The following SYMPK variants were observed in gnomAD, a reference collection of about 807,000 sequenced individuals.
SYMPK encodes symplekin.
In SYMPK, 49 loss-of-function variants were observed where a neutral mutation model predicts 136.4. The ratio of observed to expected loss-of-function variants is 0.36; its 90% CI spans 0.29 to 0.46. The LOEUF is 0.46. SYMPK is among the 20% of genes least tolerant of loss of function. SYMPK has a pLI of 1.00. For synonymous variants in SYMPK, 766 were observed against 713.0 expected (o/e 1.07, Z -1.19); for missense variants, 1,365 against 1,690.0 (o/e 0.81, Z 3.37).
chr19:45,848,138 C>T, intron 6 of SYMPK, 137 bp from the exon 7 acceptor site: 2 of 1,145,750 alleles, frequency 1.7e-6, no homozygotes, highest in Non-Finnish European at 2.4e-6. Context: ...TACTGAGTTC[C>T]AACTCTGCCC....
rs3840934 is a variant in SYMPK, at chr19:45,815,422, C to T, written c.*138G>A. On this transcript the variant is annotated 3_prime_UTR_variant, in exon 27 of 27. Transcript: ENST00000245934. ...CACCCGCGCCCCAGGCCCGCCATCCCTTTTTTTTTTTCTTTTCAGTAACTT... is the reference window on the plus strand; with the variant it reads ...CACCCGCGCCCCAGGCCCGCCATCCTTTTTTTTTTTTCTTTTCAGTAACTT... 94,863 of 647,066 alleles carry T rather than the reference C, an allele frequency of 0.15. 3,716 individuals carry two copies. Among genetic ancestry groups the T allele is most frequent in the East Asian group, 0.43 (11,538 of 27,038 alleles). The allele number at this position is 647,066 out of a possible 1,614,324, so 40.1% of individuals were successfully genotyped here.
rs559430104 is a variant in SYMPK, at chr19:45,817,417, C to CTTTT, written c.3082-447_3082-444dup. Among the ~76,000 whole-genome samples the CTTTT allele has an allele frequency of 8.2e-4, 89 of 108,466 alleles. 3 individuals carry two copies. Among genetic ancestry groups the CTTTT allele is most frequent in the Non-Finnish European group, 1.3e-3 (70 of 53,836 alleles). The allele number at this position is 108,466 out of a possible 152,430, so 71.2% of individuals were successfully genotyped here. ...CTGCGGGGTTTGGTTTTTTTGTTCT[C>CTTTT]TTTTTTTTTTTTTTTTTTTTTTTTT... On this transcript the variant is annotated intron_variant, in intron 23 of 26. Coordinates refer to ENST00000245934, the MANE Select transcript of SYMPK (RefSeq NM_004819.3).
At chr19:45,830,397 G>C in intron 12 of SYMPK, 193 bp from the exon 13 acceptor site, 1 of 636,078 alleles carries the variant, frequency 1.6e-6, no homozygotes, top group Non-Finnish European at 2.7e-6. Flanking sequence ...TGTTATTTTG[G>C]TTTTGCAGAG....
At chr19:45,832,307 A>G (rs62109799) in intron 11 of SYMPK, among the ~76,000 whole-genome samples, 15,853 of 151,814 alleles carry the variant, frequency 0.1, 1,099 homozygotes, top group Middle Eastern at 0.15. Context: ...ACACCCAGCT[A>G]ATTTTTTTGT....
At position 45,822,768 on chromosome 19, in the gene SYMPK, C is replaced by T. The variant is rs1374939856; in HGVS notation, c.2779G>A (p.Gly927Ser). The T allele has an allele frequency of 1.9e-6, 3 of 1,613,874 alleles. No homozygotes were observed. Among genetic ancestry groups the T allele is most frequent in the Non-Finnish European group, 2.5e-6 (3 of 1,179,960 alleles). The change falls in exon 21 of 27, where the codon GGC becomes AGC. Residue 927 changes from glycine (G) to serine (S), a missense_variant. By Grantham distance (56) the Gly-to-Ser change is moderately conservative (BLOSUM62 0). Coordinates refer to ENST00000245934, the MANE Select transcript of SYMPK (RefSeq NM_004819.3). ...VVKEVFNRLL[G>S]TQHGEGNSAL... ...CTGCATCACCTACCATGCTGGGTGC[C>T]CAGCAGGCGGTTGAAGACTTCCTTC... is the stretch of plus-strand genomic sequence containing the variant.
chr19:45,823,969 G>A lies in SYMPK; in HGVS notation c.2491-94C>T, dbSNP rs998579473. 2.3e-5 allele frequency: 21 copies of A among 895,280 alleles called. 1 individual carries two copies. The highest frequency in any genetic ancestry group is 8.5e-5 in the South Asian group (6 of 70,540). 55.5% of individuals were successfully genotyped at this position (895,280 alleles called of 1,614,324 possible). Reference sequence around the variant, plus strand: ...AGGGTGGCTTGCGGGGCATGCTGGCGCCCAGGGTGAGACTGAGGTGACAGG... The same window carrying A: ...AGGGTGGCTTGCGGGGCATGCTGGCACCCAGGGTGAGACTGAGGTGACAGG... On this transcript the variant is annotated intron_variant, in intron 18 of 26. Transcript: ENST00000245934.
Position 45,815,497 on chromosome 19 carries a change from C to A in SYMPK, c.*63G>T. ...TTTTTAAGGCAAAGCACCCGCAGGT[C>A]AAGCCCCGCCCCGTCCCCCAGCCCC... On this transcript the variant is annotated 3_prime_UTR_variant, in exon 27 of 27. Transcript: ENST00000245934. The A allele has an allele frequency of 8.0e-7, 1 of 1,250,280 alleles. No individual in the cohort carries two copies. The highest frequency in any genetic ancestry group is 1.6e-5 in the South Asian group (1 of 64,254). The allele number at this position is 1,250,280 out of a possible 1,614,324, so 77.4% of individuals were successfully genotyped here.
At chr19:45,840,968 T>C (rs1971421152) in intron 9 of SYMPK, among the ~76,000 whole-genome samples, 1 of 152,022 alleles carries the variant, frequency 6.6e-6, no homozygotes, top group Admixed American at 6.6e-5. Flanking sequence ...GTAAGATCCC[T>C]ACCTCACTCC....
chr19:45,831,561 T>A lies in SYMPK; in HGVS notation c.1421A>T (p.Glu474Val), dbSNP rs1308073948. 1.2e-6 allele frequency: 2 copies of A among 1,608,956 alleles called. No individual in the cohort carries two copies. Among genetic ancestry groups the A allele is most frequent in the Admixed American group, 3.4e-5 (2 of 59,548 alleles). Residue 474 changes from glutamate to valine, a missense_variant, in exon 12 of 27, where the codon GAG (glutamate) becomes GTG (valine). Transcript: ENST00000245934. The part of the protein sequence containing the change: ...PGVEQTKQCK[E>V]EPKEEKVVKT... ...CACCACCTTCTCCTCCTTGGGCTCCTCCTTGCACTGTTTGGTCTGCTCTAC... is the reference window on the plus strand; with the variant it reads ...CACCACCTTCTCCTCCTTGGGCTCCACCTTGCACTGTTTGGTCTGCTCTAC...
intron 5 of SYMPK, 23 bp downstream of exon 5, chr19:45,852,289 G>A (rs765613820): frequency 1.1e-5 from 17 of 1,614,106 alleles, no homozygotes; most frequent in Middle Eastern, 3.3e-4. Context: ...AATGCTCCCG[G>A]GGCTCCGTGC....
At chr19:45,842,707 A>C in intron 8 of SYMPK, 1 of 574,660 alleles carries the variant, frequency 1.7e-6, no homozygotes. Flanking sequence ...AGAAAAACTC[A>C]CCCTCTCTTT....
chr19:45,829,292 C>T lies in SYMPK; in HGVS notation c.1750-87G>A, dbSNP rs570195561. On this transcript the variant is annotated intron_variant, in intron 13 of 26. Transcript: ENST00000245934. ...TGCCCTGCGACTTCTCCCACCCAGA[C>T]GCAGGAACTCTCAGAGCAGACAAGG... 52 of 1,160,434 alleles carry T rather than the reference C, an allele frequency of 4.5e-5. No homozygotes were observed. The East Asian group carries it at 4.5e-4, about 10-fold the overall frequency. The allele number at this position is 1,160,434 out of a possible 1,614,324, so 71.9% of individuals were successfully genotyped here. A position where few individuals can be genotyped will look rare whatever the true frequency, so the allele number is the denominator to read the frequency against.
intron 5 of SYMPK, among the ~76,000 whole-genome samples, chr19:45,850,224 G>A (rs1054165124): frequency 2.0e-5 from 3 of 152,002 alleles, no homozygotes; most frequent in African/African-American, 7.2e-5. Context: ...CAGTCTGGCC[G>A]ACAGAGTGAG....
chr19:45,838,043 G>A (rs376056550), intron 10 of SYMPK, among the ~76,000 whole-genome samples: 6 of 152,192 alleles, frequency 3.9e-5, no homozygotes, highest in Middle Eastern at 3.4e-3. Flanking sequence ...TACAATCCCC[G>A]ATGTGGGAGG....
At chr19:45,818,169 C>A (rs1970798716) in intron 22 of SYMPK, 23 bp from the exon 23 acceptor site, 2 of 1,515,876 alleles carry the variant, frequency 1.3e-6, no homozygotes, top group Non-Finnish European at 1.8e-6. Flanking sequence ...GGAGAGTGGG[C>A]CTGTCCTCTC....
At chr19:45,823,347 G>GACAA (rs1204194408) in intron 20 of SYMPK, 25 bp downstream of exon 20, 1 of 1,610,144 alleles carries the variant, frequency 6.2e-7, no homozygotes, top group East Asian at 2.2e-5. Flanking sequence ...AGGTAGCAGG[G>GACAA]ACAAACAGGC....
chr19:45,838,639 A>G, intron 9 of SYMPK, 24 bp from the exon 10 acceptor site: 1 of 1,608,872 alleles, frequency 6.2e-7, no homozygotes, highest in Non-Finnish European at 8.5e-7. Flanking sequence ...AAAGAACAAG[A>G]TGCTGGCTAT....
intron 23 of SYMPK, among the ~76,000 whole-genome samples, chr19:45,817,417 C>CTCTTTTTTTTTTTTTTTTTTTT (rs1568605965): frequency 1.3e-4 from 14 of 108,480 alleles, no homozygotes; most frequent in Non-Finnish European, 1.9e-4. Context: ...TTTTTGTTCT[C>CTCTTTTTTTTTTTTTTTTTTTT]TTTTTTTTTT....
At chr19:45,853,162 GA>G (rs900213260) in intron 3 of SYMPK, among the ~76,000 whole-genome samples, 1 of 152,150 alleles carries the variant, frequency 6.6e-6, no homozygotes, top group Non-Finnish European at 1.5e-5. Flanking sequence ...CTCCACCTCG[GA>G]GGTGGGGCTA....
Sources: gnomAD v4.1 joint callset for allele counts (sites outside exome capture counted in the v4.1 genomes callset) on GRCh38, gnomAD v4.1.1 for gene constraint, MANE v1.5 for transcripts, NCBI Gene and HGNC (gene_info 2026-07-23, HGNC 2026-07-21) for gene names.